SHPRH: variants seen among roughly 807,000 people sequenced by gnomAD.
SHPRH encodes the protein SNF2 histone linker PHD RING helicase.
SHPRH carries 106 observed loss-of-function variants against 202.5 expected under a neutral mutation model. The ratio of observed to expected loss-of-function variants is 0.52; its 90% CI spans 0.45 to 0.62. SHPRH has a LOEUF of 0.62. Among genes scored for constraint, SHPRH ranks in the 20% least tolerant of loss-of-function variants. The pLI is 0.00. For missense variants in SHPRH, 1,710 were observed against 2,020.0 expected, an observed-to-expected ratio of 0.85 and a Z score of 2.94; for synonymous variants, 729 against 686.0, an observed-to-expected ratio of 1.06 and a Z score of -0.98.
At position 145,943,436 on chromosome 6, in the gene SHPRH, T is replaced by C; in HGVS notation, c.1945A>G (p.Met649Val). 1 of 1,614,006 alleles carries C rather than the reference T, an allele frequency of 6.2e-7. No individual in the cohort carries two copies. Among genetic ancestry groups the C allele is most frequent in the South Asian group, 1.1e-5 (1 of 91,076 alleles). ...TAATCAGAGGTGTTAAAGGGACTCA[T>C]GGTATTAGAAGGTGGTACATCACTA... ...ADSDVPPSNT[M>V]SPFNTSDYRF... The change falls in exon 9 of 30, where the codon ATG becomes GTG. Residue 649 changes from methionine to valine, a missense_variant. Around this residue, in one of 8 missense-constraint regions of SHPRH, gnomAD observed 348 missense variants for 356.9 expected, o/e 0.97. Coordinates refer to ENST00000275233, the MANE Select transcript of SHPRH (RefSeq NM_001042683.3).
intron 24 of SHPRH, among the ~76,000 whole-genome samples, chr6:145,911,698 A>G (rs1562311188): frequency 1.3e-5 from 2 of 152,094 alleles, no homozygotes; most frequent in African/African-American, 4.8e-5. Flanking sequence ...AGATTTGGAC[A>G]TGTATGGAAA....
At chr6:145,895,462 A>G (rs571002631) in intron 25 of SHPRH, among the ~76,000 whole-genome samples, 1 of 151,998 alleles carries the variant, frequency 6.6e-6, no homozygotes, top group East Asian at 1.9e-4. Flanking sequence ...ATTACCAAAA[A>G]CAATGACAGA....
intron 5 of SHPRH, among the ~76,000 whole-genome samples, 199 bp downstream of exon 5, chr6:145,948,073 T>C (rs897078098): frequency 6.6e-6 from 1 of 152,058 alleles, no homozygotes; most frequent in Non-Finnish European, 1.5e-5. Context: ...CTTATGTCTA[T>C]TATTCCAAAT....
At chr6:145,920,594 C>A (rs1397341017) in intron 21 of SHPRH, among the ~76,000 whole-genome samples, 3 of 152,004 alleles carry the variant, frequency 2.0e-5, no homozygotes, top group African/African-American at 7.2e-5. Flanking sequence ...TCTTTCCTTC[C>A]TCTACCTATG....
At chr6:145,928,209 TG>T (rs200691476) in intron 14 of SHPRH, among the ~76,000 whole-genome samples, 2,357 of 152,116 alleles carry the variant, frequency 0.015, 22 homozygotes, top group African/African-American at 0.023. Flanking sequence ...GCAATGCCTA[TG>T]TATTATCTGC....
intron 5 of SHPRH, 76 bp downstream of exon 5, chr6:145,948,196 A>G: frequency 9.0e-7 from 1 of 1,105,188 alleles, no homozygotes; most frequent in South Asian, 1.7e-5. Context: ...AAAGTTACAG[A>G]TATGCTAACA....
Position 145,886,586 on chromosome 6 carries a change from A to C in SHPRH, c.*105T>G, listed in dbSNP as rs1781028355. 1 of 1,529,772 alleles carries C rather than the reference A, an allele frequency of 6.5e-7. No individual in the cohort carries two copies. Among genetic ancestry groups the C allele is most frequent in the African/African-American group, 1.4e-5 (1 of 72,384 alleles). 94.8% of individuals were successfully genotyped at this position (1,529,772 alleles called of 1,614,324 possible). A position where few individuals can be genotyped will look rare whatever the true frequency, so the allele number is the denominator to read the frequency against. On this transcript the variant is annotated 3_prime_UTR_variant, in exon 30 of 30. Coordinates refer to ENST00000275233, the MANE Select transcript of SHPRH (RefSeq NM_001042683.3). ...CAATAAACAAATTCATTCAACTAGGAACAGTGTTACTGTTATCTACTGGGT... is the reference window on the plus strand; with the variant it reads ...CAATAAACAAATTCATTCAACTAGGCACAGTGTTACTGTTATCTACTGGGT...
intron 25 of SHPRH, among the ~76,000 whole-genome samples, chr6:145,901,902 T>C (rs1022615664): frequency 2.0e-5 from 3 of 152,052 alleles, no homozygotes; most frequent in African/African-American, 7.2e-5. Context: ...GGTCCAGCTT[T>C]GGAATAACGA....
At chr6:145,916,431 A>G (rs148647878) in intron 23 of SHPRH, among the ~76,000 whole-genome samples, 1 of 152,240 alleles carries the variant, frequency 6.6e-6, no homozygotes, top group Non-Finnish European at 1.5e-5. Context: ...AAAAGCTTAT[A>G]TAAATTTATA....
At chr6:145,958,498 A>G (rs1304239298) in intron 1 of SHPRH, among the ~76,000 whole-genome samples, 8 of 152,182 alleles carry the variant, frequency 5.3e-5, no homozygotes. Context: ...ACCAATAACC[A>G]TAAAAGAAAC....
chr6:145,953,920 G>A (rs12189548), intron 2 of SHPRH, among the ~76,000 whole-genome samples: 12,475 of 151,582 alleles, frequency 0.082, 640 homozygotes, highest in South Asian at 0.12. Flanking sequence ...ACTTTACTAG[G>A]CTGTAAAGAT....
At chr6:145,950,982 T>A (rs1202326036) in intron 3 of SHPRH, among the ~76,000 whole-genome samples, 3 of 152,134 alleles carry the variant, frequency 2.0e-5, no homozygotes. Context: ...ACATACAAAA[T>A]CCATATGGAG....
intron 1 of SHPRH, among the ~76,000 whole-genome samples, chr6:145,962,962 A>C (rs996727720): frequency 1.3e-5 from 2 of 152,232 alleles, no homozygotes; most frequent in African/African-American, 4.8e-5. Context: ...TGTTTCCCCT[A>C]AATCTTACTG....
intron 14 of SHPRH, 36 bp downstream of exon 14, chr6:145,933,021 T>A (rs1785640587): frequency 6.3e-7 from 1 of 1,599,286 alleles, no homozygotes; most frequent in Admixed American, 1.7e-5. Context: ...TCAGGAAGTG[T>A]TTGAAAGAAT....
At chr6:145,927,302 G>C in intron 14 of SHPRH, 25 bp from the exon 15 acceptor site, 1 of 1,590,262 alleles carries the variant, frequency 6.3e-7, no homozygotes, top group African/African-American at 1.3e-5. Context: ...TGTATTTAAA[G>C]CATACGAGAG....
chr6:145,860,152 A>G (rs946501808), downstream of SHPRH, among the ~76,000 whole-genome samples: 1 of 152,032 alleles, frequency 6.6e-6, no homozygotes, highest in Non-Finnish European at 1.5e-5. Flanking sequence ...CACCACATCT[A>G]TTCAATATAG....
chr6:145,946,388 A>G (rs1787376134), intron 6 of SHPRH, 47 bp from the exon 7 acceptor site: 1 of 1,395,472 alleles, frequency 7.2e-7, no homozygotes, highest in Non-Finnish European at 9.8e-7. Context: ...TGCTTTCAGT[A>G]TTCTGAATTG....
chr6:145,945,620 G>A lies in SHPRH; in HGVS notation c.1339C>T (p.Leu447=), dbSNP rs371244925. The change falls in exon 8 of 30, where the codon CTG becomes TTG. Residue 447 remains leucine (L), a synonymous_variant. Transcript: ENST00000275233. ...VQCPPTRVMI[L]TAVKEMNGKK... ...CCATTCATTTCTTTCACAGCTGTCA[G>A]TATCATCACACGTGTAGCTAAATGT... 5.0e-6 allele frequency: 8 copies of A among 1,611,114 alleles called. No homozygotes were observed. In the African/African-American group the frequency reaches 1.1e-4, roughly 22 times the overall value.
chr6:145,895,537 GT>G (rs398110798), intron 25 of SHPRH, among the ~76,000 whole-genome samples: 335 of 141,310 alleles, frequency 2.4e-3, no homozygotes, highest in African/African-American at 4.1e-3. Flanking sequence ...AAAACTGTGT[GT>G]TTTTTTTTTT....
Sources: gnomAD v4.1 joint callset for allele counts (sites outside exome capture counted in the v4.1 genomes callset) on GRCh38, gnomAD v4.1.1 for gene constraint, gnomAD v4.1.1 regional missense constraint, MANE v1.5 for transcripts, NCBI Gene and HGNC (gene_info 2026-07-23, HGNC 2026-07-21) for gene names.